REDIC1: variants seen among roughly 807,000 people sequenced by gnomAD.
The protein encoded by REDIC1 is HEI10 Interacting Protein 1.
At chr12:39,683,891 G>C in the REDIC1 span, among the ~76,000 whole-genome samples, 2 of 152,000 alleles carry the variant, frequency 1.3e-5, no homozygotes, top group African/African-American at 4.8e-5. Context: ...TGCTTGCTTG[G>C]TTGGTATAGA....
At chr12:39,762,411 A>G in the REDIC1 span, among the ~76,000 whole-genome samples, 1 of 115,630 alleles carries the variant, frequency 8.6e-6, no homozygotes, top group Admixed American at 9.2e-5. Context: ...AATTACACAA[A>G]TTGACTACCT....
the REDIC1 span, among the ~76,000 whole-genome samples, chr12:39,828,933 T>C: frequency 6.6e-6 from 1 of 152,148 alleles, no homozygotes; most frequent in Non-Finnish European, 1.5e-5. Flanking sequence ...AAATGTGGTC[T>C]GGATTTTTAC....
the REDIC1 span, among the ~76,000 whole-genome samples, chr12:39,808,068 C>A: frequency 1.3e-5 from 2 of 152,120 alleles, no homozygotes; most frequent in African/African-American, 2.4e-5. Flanking sequence ...GTAACCACTA[C>A]CACAGACAAG....
the REDIC1 span, among the ~76,000 whole-genome samples, chr12:39,792,563 G>A: frequency 1.3e-5 from 2 of 152,098 alleles, no homozygotes; most frequent in Non-Finnish European, 2.9e-5. Flanking sequence ...TAGATACTAA[G>A]CCTCTGCCAG....
At chr12:39,858,883 G>C in the REDIC1 span, among the ~76,000 whole-genome samples, 1 of 152,090 alleles carries the variant, frequency 6.6e-6, no homozygotes, top group Non-Finnish European at 1.5e-5. Context: ...TGGGATTACA[G>C]GTGTGACGCA....
the REDIC1 span, among the ~76,000 whole-genome samples, chr12:39,701,164 C>A: frequency 6.6e-6 from 1 of 151,970 alleles, no homozygotes. Flanking sequence ...GAGTCAAGAC[C>A]CATCAGTGTG....
At chr12:39,761,778 A>G in the REDIC1 span, among the ~76,000 whole-genome samples, 4 of 152,092 alleles carry the variant, frequency 2.6e-5, no homozygotes, top group Non-Finnish European at 4.4e-5. Flanking sequence ...ATAAGTACAG[A>G]TGGTAAAACA....
chr12:39,714,798 A>G, the REDIC1 span, among the ~76,000 whole-genome samples: 1 of 151,616 alleles, frequency 6.6e-6, no homozygotes, highest in Non-Finnish European at 1.5e-5. Context: ...TTTGATTTGC[A>G]TTTCCCTGGT....
At chr12:39,864,141 A>G in the REDIC1 span, among the ~76,000 whole-genome samples, 1 of 152,192 alleles carries the variant, frequency 6.6e-6, no homozygotes, top group Non-Finnish European at 1.5e-5. Context: ...CAGTCCATCT[A>G]TCCATTTATC....
the REDIC1 span, among the ~76,000 whole-genome samples, chr12:39,838,743 C>A: frequency 2.0e-5 from 3 of 152,020 alleles, no homozygotes; most frequent in African/African-American, 7.2e-5. Flanking sequence ...AATGTGCTCT[C>A]AGCTCAGAAA....
At chr12:39,866,879 A>C in the REDIC1 span, among the ~76,000 whole-genome samples, 2 of 152,252 alleles carry the variant, frequency 1.3e-5, no homozygotes, top group Non-Finnish European at 2.9e-5. Flanking sequence ...ATAACAGAAC[A>C]AAGTTGAAGG....
the REDIC1 span, among the ~76,000 whole-genome samples, chr12:39,675,220 C>T: frequency 6.6e-6 from 1 of 152,144 alleles, no homozygotes; most frequent in South Asian, 2.1e-4. Context: ...AACATAACTT[C>T]ATTGGCCTGA....
the REDIC1 span, chr12:39,648,033 C>CT: frequency 2.6e-6 from 3 of 1,159,800 alleles, no homozygotes; most frequent in Non-Finnish European, 3.5e-6. Context: ...TCATGAAACT[C>CT]TTTTTTTCTT....
chr12:39,896,509 C>CATGTATACATGTATGTATGT, the REDIC1 span, among the ~76,000 whole-genome samples: 2 of 131,226 alleles, frequency 1.5e-5, no homozygotes, highest in East Asian at 2.3e-4. Flanking sequence ...TATGTATGTA[C>CATGTATACATGTATGTATGT]ATGTGTGTAT....
chr12:39,653,982 T>C, the REDIC1 span, among the ~76,000 whole-genome samples: 2 of 152,106 alleles, frequency 1.3e-5, no homozygotes, highest in Non-Finnish European at 2.9e-5. Flanking sequence ...GTTGTGAAAG[T>C]TCTCTTCTGT....
At chr12:39,810,488 A>G in the REDIC1 span, among the ~76,000 whole-genome samples, 1 of 152,142 alleles carries the variant, frequency 6.6e-6, no homozygotes, top group Admixed American at 6.6e-5. Context: ...TTGCCTTATT[A>G]CACTGGCTAG....
the REDIC1 span, among the ~76,000 whole-genome samples, chr12:39,678,084 T>C: frequency 4.9e-5 from 7 of 141,434 alleles, no homozygotes; most frequent in Admixed American, 1.4e-4. Flanking sequence ...AAAAGAAATA[T>C]AAAGATCAGA....
chr12:39,712,538 G>A, the REDIC1 span, among the ~76,000 whole-genome samples: 2 of 140,692 alleles, frequency 1.4e-5, no homozygotes. Flanking sequence ...ATACGAATAT[G>A]CGTATATACA....
chr12:39,748,921 T>C, the REDIC1 span, among the ~76,000 whole-genome samples: 2 of 152,080 alleles, frequency 1.3e-5, no homozygotes, highest in Non-Finnish European at 2.9e-5. Context: ...TTTAAAGCAG[T>C]GTGTAGAGGG....
Sources: allele counts gnomAD v4.1 joint callset (sites outside exome capture counted in the v4.1 genomes callset), GRCh38; gene constraint gnomAD v4.1.1; transcripts MANE v1.5; gene names NCBI Gene and HGNC (gene_info 2026-07-23, HGNC 2026-07-21).